Variants in SSBP2 observed in about 807,000 individuals in gnomAD.
SSBP2 encodes single stranded DNA binding protein 2, also known as single-stranded DNA-binding protein 2.
In SSBP2, 17 loss-of-function variants were observed where a neutral mutation model predicts 61.8. The observed-to-expected ratio is 0.28, with a 90% CI of 0.19 to 0.41. The LOEUF is 0.41. Ranked by LOEUF, SSBP2 falls within the 10% of genes least tolerant of loss-of-function variation. The pLI is 1.00. For missense variants in SSBP2, 310 were observed against 458.7 expected (o/e 0.68, Z 2.96); for synonymous variants, 139 against 141.3 (o/e 0.98, Z 0.12).
intron 1 of SSBP2, among the ~76,000 whole-genome samples, chr5:81,721,776 A>C (rs1306713557): frequency 6.6e-6 from 1 of 152,104 alleles, no homozygotes; most frequent in East Asian, 1.9e-4. Flanking sequence ...TTCCTGAACC[A>C]TTTCATCAGC....
intron 1 of SSBP2, among the ~76,000 whole-genome samples, chr5:81,653,135 C>T (rs1054495211): frequency 2.6e-5 from 4 of 152,172 alleles, no homozygotes; most frequent in East Asian, 3.9e-4. Flanking sequence ...GTGTGATGTT[C>T]CCCTCCCTGT....
In SSBP2 at chr5:81,483,764, T is replaced by TATACAC. The variant is rs1554072833; in HGVS notation, c.432+5485_432+5486insGTGTAT. Among the ~76,000 whole-genome samples the TATACAC allele has an allele frequency of 2.7e-4, 40 of 149,342 alleles. No homozygotes were observed. The South Asian group carries it at 7.9e-3, about 29-fold the overall frequency. On this transcript the variant is annotated intron_variant, in intron 6 of 16. Coordinates refer to ENST00000320672, the MANE Select transcript of SSBP2 (RefSeq NM_012446.5). ...CAACTCACCATTTGACATATATATA[T>TATACAC]ACACACACACACACACACACATTTA...
Position 81,600,561 on chromosome 5 carries a change from C to CAA in SSBP2, c.282+14910_282+14911dup, listed in dbSNP as rs35204869. Among the ~76,000 whole-genome samples the CAA allele has an allele frequency of 2.3e-3, 203 of 87,390 alleles. 1 individual carries two copies. The highest frequency in any genetic ancestry group is 7.1e-3 in the East Asian group (25 of 3,514). 57.3% of individuals were successfully genotyped at this position (87,390 alleles called of 152,430 possible). Reference sequence around the variant, plus strand: ...TGGGCAACAGAGCAAGACTCTGTCTCAAAAAAAAAAAAAAAAAAACAAAAA... The same window carrying CAA: ...TGGGCAACAGAGCAAGACTCTGTCTCAAAAAAAAAAAAAAAAAAAAACAAAAA... On this transcript the variant is annotated intron_variant, in intron 4 of 16. Transcript: ENST00000320672.
chr5:81,631,699 A>ACTAT (rs1460538525), intron 3 of SSBP2, among the ~76,000 whole-genome samples: 1 of 152,120 alleles, frequency 6.6e-6, no homozygotes, highest in Non-Finnish European at 1.5e-5. Context: ...TTCTTTAAAG[A>ACTAT]CTATCCTTCA....
intron 6 of SSBP2, among the ~76,000 whole-genome samples, chr5:81,481,783 T>C (rs990264648): frequency 1.3e-5 from 2 of 151,566 alleles, no homozygotes; most frequent in South Asian, 2.1e-4. Flanking sequence ...GGGTATAAGA[T>C]GTGTTACCAA....
At chr5:81,432,864 G>C (rs1762395389) in intron 15 of SSBP2, among the ~76,000 whole-genome samples, 1 of 149,882 alleles carries the variant, frequency 6.7e-6, no homozygotes, top group South Asian at 2.1e-4. Context: ...GGGCGCCTCT[G>C]CCTGGCCACC....
At chr5:81,623,331 C>CTTTTTTTTTTT (rs35687529) in intron 3 of SSBP2, among the ~76,000 whole-genome samples, 3 of 110,592 alleles carry the variant, frequency 2.7e-5, no homozygotes, top group Non-Finnish European at 3.7e-5. Flanking sequence ...CATTGTAGTA[C>CTTTTTTTTTTT]TTTTTTTTTT....
intron 1 of SSBP2, among the ~76,000 whole-genome samples, chr5:81,732,833 A>C (rs1308587943): frequency 2.0e-5 from 3 of 151,280 alleles, no homozygotes; most frequent in Admixed American, 6.6e-5. Context: ...TACCACCACC[A>C]CCCCCCGCCT....
intron 1 of SSBP2, among the ~76,000 whole-genome samples, chr5:81,724,476 T>C (rs898855654): frequency 2.0e-5 from 3 of 152,000 alleles, no homozygotes; most frequent in South Asian, 2.1e-4. Flanking sequence ...ATAAAAAACA[T>C]TGATACTAAA....
chr5:81,659,470 G>A (rs1750503679), intron 1 of SSBP2, among the ~76,000 whole-genome samples: 1 of 152,052 alleles, frequency 6.6e-6, no homozygotes, highest in Admixed American at 6.6e-5. Context: ...GGATGTGAAG[G>A]ACCTCTTCAA....
intron 6 of SSBP2, among the ~76,000 whole-genome samples, chr5:81,475,933 T>C (rs1042474721): frequency 2.6e-5 from 4 of 151,882 alleles, no homozygotes; most frequent in Non-Finnish European, 4.4e-5. Flanking sequence ...TTATCCCAGA[T>C]TGTGTGTGTG....
intron 5 of SSBP2, among the ~76,000 whole-genome samples, chr5:81,490,802 T>C (rs1216467783): frequency 6.6e-6 from 1 of 152,242 alleles, no homozygotes; most frequent in African/African-American, 2.4e-5. Flanking sequence ...GTTCACTGTG[T>C]TCTTATATGT....
chr5:81,518,316 G>A (rs1446221310), intron 4 of SSBP2, among the ~76,000 whole-genome samples: 3 of 152,112 alleles, frequency 2.0e-5, no homozygotes, highest in African/African-American at 7.2e-5. Context: ...TGGTACGAAT[G>A]TGTCCCCTCC....
intron 3 of SSBP2, among the ~76,000 whole-genome samples, chr5:81,616,978 T>C (rs1746126181): frequency 7.6e-6 from 1 of 131,146 alleles, no homozygotes; most frequent in East Asian, 2.4e-4. Context: ...AGACCAAAAG[T>C]AGATAAAACC....
chr5:81,480,228 G>GC (rs1380918186), intron 6 of SSBP2, among the ~76,000 whole-genome samples: 5 of 152,110 alleles, frequency 3.3e-5, no homozygotes, highest in Non-Finnish European at 7.4e-5. Flanking sequence ...AACTTCAATG[G>GC]CAAGACTCGC....
At chr5:81,531,243 GA>G (rs1205675144) in intron 4 of SSBP2, among the ~76,000 whole-genome samples, 21 of 108,722 alleles carry the variant, frequency 1.9e-4, no homozygotes, top group East Asian at 1.0e-3. Context: ...AAAAAAAAAA[GA>G]AAAAAAAAAA....
At chr5:81,440,501 G>T (rs1396101487) in intron 14 of SSBP2, 57 bp downstream of exon 14, 1 of 1,462,956 alleles carries the variant, frequency 6.8e-7, no homozygotes, top group Non-Finnish European at 9.5e-7. Context: ...ATATGCACTA[G>T]GTAGAATTAA....
intron 4 of SSBP2, among the ~76,000 whole-genome samples, chr5:81,552,613 G>C (rs913292619): frequency 6.6e-6 from 1 of 150,432 alleles, no homozygotes; most frequent in African/African-American, 2.5e-5. Context: ...ACTCCAGCCT[G>C]GGCAACAGAG....
intron 10 of SSBP2, among the ~76,000 whole-genome samples, chr5:81,454,469 T>A (rs560167339): frequency 1.6e-4 from 24 of 152,222 alleles, no homozygotes; most frequent in African/African-American, 5.8e-4. Context: ...TCACCTGAGG[T>A]CAGGAATTCG....
Sources: allele counts gnomAD v4.1 joint callset (sites outside exome capture counted in the v4.1 genomes callset), GRCh38; gene constraint gnomAD v4.1.1; transcripts MANE v1.5; gene names NCBI Gene and HGNC (gene_info 2026-07-23, HGNC 2026-07-21).